Variants in USP53 observed in about 807,000 individuals in gnomAD.
The protein encoded by USP53 is ubiquitin carboxyl-terminal hydrolase 53.
A neutral mutation model predicts 94.9 loss-of-function variants in USP53; 71 were observed. The observed-to-expected ratio is 0.75, with a 90% CI of 0.62 to 0.91. The LOEUF is 0.91. Ranked by LOEUF, USP53 falls within the 40% of genes least tolerant of loss-of-function variation. The probability of loss-of-function intolerance (pLI) is 0.00; values close to 1 mark genes in which losing one functional copy is unlikely to be tolerated. For missense variants in USP53, 1,173 were observed against 1,281.0 expected, an observed-to-expected ratio of 0.92 and a Z score of 1.29; for synonymous variants, 375 against 422.7, an observed-to-expected ratio of 0.89 and a Z score of 1.39.
At chr4:119,253,463 A>G (rs976794114) in intron 7 of USP53, among the ~76,000 whole-genome samples, 4 of 152,114 alleles carry the variant, frequency 2.6e-5, no homozygotes, top group South Asian at 2.1e-4. Flanking sequence ...TCCCTTTACC[A>G]TTATGTAATG....
intron 3 of USP53, among the ~76,000 whole-genome samples, chr4:119,222,260 G>T (rs1401030523): frequency 6.6e-6 from 1 of 152,066 alleles, no homozygotes; most frequent in Admixed American, 6.5e-5. Context: ...ATCAAATCAG[G>T]GTTGTTGGGA....
chr4:119,290,468 A>G (rs768691761), intron 17 of USP53, among the ~76,000 whole-genome samples: 3 of 152,206 alleles, frequency 2.0e-5, no homozygotes, highest in Non-Finnish European at 4.4e-5. Flanking sequence ...GTATATCGAT[A>G]TATATACTTA....
intron 12 of USP53, among the ~76,000 whole-genome samples, chr4:119,267,002 G>A (rs1386813526): frequency 2.0e-5 from 3 of 152,104 alleles, no homozygotes; most frequent in African/African-American, 7.2e-5. Flanking sequence ...TTGTTGAGCT[G>A]ACTCTTATAT....
Position 119,279,667 on chromosome 4 carries a change from A to G in USP53, c.2251+5959A>G, listed in dbSNP as rs879178212. Among the ~76,000 whole-genome samples, 196 of 152,194 alleles carry G rather than the reference A, an allele frequency of 1.3e-3. 1 individual carries two copies. Among genetic ancestry groups the G allele is most frequent in the African/African-American group, 4.5e-3 (189 of 41,540 alleles). On this transcript the variant is annotated intron_variant, in intron 17 of 18. Transcript: ENST00000692078. ...CCTGGCTGCTTTGTTTACCTAAGCA[A>G]GCCTGGGCAATGGCGGGCGCCCCTC... is the stretch of plus-strand genomic sequence containing the variant.
At position 119,270,743 on chromosome 4, in the gene USP53, T is replaced by A. The variant is rs1751753006; in HGVS notation, c.1436-553T>A. ...TAGACTTTACAGGCTGATTTAAGAT[T>A]TTTGCTTCAGCAACATCTTTTTTCA... On this transcript the variant is annotated intron_variant, in intron 15 of 18. Transcript: ENST00000692078. 2.0e-5 allele frequency among the ~76,000 whole-genome samples: 3 copies of A among 152,218 alleles called. No individual in the cohort carries two copies. The South Asian group carries it at 6.2e-4, about 31-fold the overall frequency.
chr4:119,266,494 A>G (rs1751144787), intron 12 of USP53, among the ~76,000 whole-genome samples: 1 of 152,202 alleles, frequency 6.6e-6, no homozygotes, highest in Non-Finnish European at 1.5e-5. Flanking sequence ...CTTCTCGTGT[A>G]TGTATAATAT....
intron 5 of USP53, 33 bp downstream of exon 5, chr4:119,239,936 A>C: frequency 7.2e-7 from 1 of 1,382,078 alleles, no homozygotes; most frequent in Non-Finnish European, 9.5e-7. Context: ...CATTAAAAAA[A>C]ATACTTTTCA....
intron 17 of USP53, among the ~76,000 whole-genome samples, chr4:119,285,395 A>G (rs1753986414): frequency 6.6e-6 from 1 of 151,870 alleles, no homozygotes; most frequent in South Asian, 2.1e-4. Flanking sequence ...AGGTCTTTCA[A>G]GAACTTTTGC....
intron 12 of USP53, among the ~76,000 whole-genome samples, chr4:119,265,628 G>A (rs1255064351): frequency 2.0e-5 from 3 of 151,942 alleles, no homozygotes; most frequent in Non-Finnish European, 4.4e-5. Context: ...CCGAGACCGT[G>A]CCACTGAACT....
intron 15 of USP53, among the ~76,000 whole-genome samples, chr4:119,270,456 A>C (rs575704918): frequency 6.6e-6 from 1 of 152,262 alleles, no homozygotes; most frequent in African/African-American, 2.4e-5. Flanking sequence ...AATATGCAAA[A>C]TATCCTGGTT....
At chr4:119,256,672 G>C (rs1409904937) in intron 9 of USP53, 149 bp downstream of exon 9, 2 of 815,774 alleles carry the variant, frequency 2.5e-6, no homozygotes, top group South Asian at 3.4e-5. Flanking sequence ...ATTAAGTGAT[G>C]TCTATCAAAG....
At position 119,259,810 on chromosome 4, in the gene USP53, T is replaced by G; in HGVS notation, c.570-10T>G. 1 of 1,603,734 alleles carries G rather than the reference T, an allele frequency of 6.2e-7. No homozygotes were observed. The highest frequency in any genetic ancestry group is 1.3e-5 in the African/African-American group (1 of 74,662). On this transcript the variant is annotated splice_polypyrimidine_tract_variant and intron_variant, in intron 9 of 18. Transcript: ENST00000692078. ...ATAGGCCAGATTTGGGATTGCTTCT[T>G]TTTTTGTAGCAATGAGGTTGAAAGA... is the stretch of plus-strand genomic sequence containing the variant.
chr4:119,264,433 C>T (rs1394567807), intron 12 of USP53, among the ~76,000 whole-genome samples: 1 of 152,002 alleles, frequency 6.6e-6, no homozygotes, highest in African/African-American at 2.4e-5. Context: ...AAATGACAAA[C>T]CGTATACTGA....
chr4:119,224,249 T>C (rs1744952980), intron 3 of USP53, among the ~76,000 whole-genome samples: 2 of 152,038 alleles, frequency 1.3e-5, no homozygotes, highest in Admixed American at 1.3e-4. Flanking sequence ...CTGCCCACCT[T>C]GGCCTCCCAA....
At chr4:119,232,396 T>G (rs964963376) in intron 3 of USP53, among the ~76,000 whole-genome samples, 1 of 152,204 alleles carries the variant, frequency 6.6e-6, no homozygotes, top group South Asian at 2.1e-4. Flanking sequence ...TAATATGTGG[T>G]CTTTTGTGAC....
At chr4:119,289,741 TA>T (rs1433389052) in intron 17 of USP53, among the ~76,000 whole-genome samples, 12 of 152,320 alleles carry the variant, frequency 7.9e-5, no homozygotes, top group African/African-American at 2.9e-4. Flanking sequence ...TGTGCCTTAG[TA>T]AAGGAAAAAG....
At chr4:119,261,898 T>G in intron 12 of USP53, 34 bp downstream of exon 12, 1 of 1,408,840 alleles carries the variant, frequency 7.1e-7, no homozygotes, top group Non-Finnish European at 9.4e-7. Flanking sequence ...AAATAATTAC[T>G]GTGATTTTTA....
intron 12 of USP53, chr4:119,266,317 G>A (rs935097088): frequency 2.2e-6 from 1 of 456,014 alleles, no homozygotes; most frequent in East Asian, 6.9e-5. Flanking sequence ...CTTGAAGTGG[G>A]ATTTCTGGGT....
intron 17 of USP53, among the ~76,000 whole-genome samples, chr4:119,281,434 G>T (rs148123337): frequency 2.1e-3 from 316 of 152,280 alleles, no homozygotes; most frequent in African/African-American, 7.3e-3. Context: ...TGCAGACAAA[G>T]AATGTGATTA....
Sources: gnomAD v4.1 joint callset for allele counts (sites outside exome capture counted in the v4.1 genomes callset) on GRCh38, gnomAD v4.1.1 for gene constraint, MANE v1.5 for transcripts, NCBI Gene and HGNC (gene_info 2026-07-23, HGNC 2026-07-21) for gene names.